Variants in PRKCE observed in about 807,000 individuals in gnomAD.
PRKCE encodes the protein protein kinase C epsilon type.
Under a neutral mutation model 85.4 loss-of-function variants are expected in PRKCE, and 16 were observed. The observed-to-expected ratio is 0.19, with a 90% CI of 0.13 to 0.28. The LOEUF (loss-of-function observed/expected upper bound fraction) is 0.28, where lower values mean the gene tolerates loss of function less well. PRKCE is among the 10% of genes least tolerant of loss of function. PRKCE has a pLI of 1.00. For synonymous variants in PRKCE, 388 were observed against 371.5 expected (o/e 1.04, Z -0.51); for missense variants, 573 against 975.2 (o/e 0.59, Z 5.49).
chr2:46,036,403 C>A (rs1433691996), intron 10 of PRKCE, among the ~76,000 whole-genome samples: 1 of 152,002 alleles, frequency 6.6e-6, no homozygotes, highest in Non-Finnish European at 1.5e-5. Flanking sequence ...ATAGTGAGAC[C>A]CCTATTTCCA....
At chr2:45,863,968 G>A (rs1693379914) in intron 2 of PRKCE, among the ~76,000 whole-genome samples, 1 of 152,202 alleles carries the variant, frequency 6.6e-6, no homozygotes, top group Admixed American at 6.5e-5. Context: ...CCTGCCATTG[G>A]TGTCCTAGAC....
chr2:45,733,352 G>A (rs1170185752), intron 1 of PRKCE, among the ~76,000 whole-genome samples: 7 of 152,202 alleles, frequency 4.6e-5, no homozygotes, highest in Non-Finnish European at 7.3e-5. Flanking sequence ...GGCATGATTC[G>A]AGGAGCTTGG....
At chr2:45,711,642 T>C (rs944221250) in intron 1 of PRKCE, among the ~76,000 whole-genome samples, 1 of 152,238 alleles carries the variant, frequency 6.6e-6, no homozygotes. Context: ...ATTTATGTAA[T>C]TTTTTGAGAC....
At position 46,187,804 on chromosome 2, in the gene PRKCE, G is replaced by GA. The variant is rs1680551178; in HGVS notation, c.*2924dup. ...AACTGTAAAATGTATTCAATTTTAG[G>GA]ATTTTTTTTTTTTGTATTGTGATGC... On this transcript the variant is annotated 3_prime_UTR_variant, in exon 15 of 15. Coordinates refer to ENST00000306156, the MANE Select transcript of PRKCE (RefSeq NM_005400.3). 8.9e-6 allele frequency: 1 copy of GA among 112,916 alleles called. No individual in the cohort carries two copies. Among genetic ancestry groups the GA allele is most frequent in the Admixed American group, 8.8e-5 (1 of 11,406 alleles). 7.0% of individuals were successfully genotyped at this position (112,916 alleles called of 1,614,324 possible).
At chr2:45,862,994 C>A (rs1291572364) in intron 2 of PRKCE, among the ~76,000 whole-genome samples, 1 of 152,210 alleles carries the variant, frequency 6.6e-6, no homozygotes, top group Non-Finnish European at 1.5e-5. Flanking sequence ...TCCACCCCCT[C>A]TACTTGCTGT....
At chr2:45,857,047 A>T (rs1211768762) in intron 2 of PRKCE, among the ~76,000 whole-genome samples, 1 of 152,094 alleles carries the variant, frequency 6.6e-6, no homozygotes, top group African/African-American at 2.4e-5. Flanking sequence ...ATTTGATTTC[A>T]TTTCTTTTGG....
intron 14 of PRKCE, among the ~76,000 whole-genome samples, chr2:46,164,589 G>GT (rs1678135396): frequency 6.6e-6 from 1 of 152,138 alleles, no homozygotes; most frequent in African/African-American, 2.4e-5. Flanking sequence ...GTGACCCGGG[G>GT]CGGGGGGTGC....
At chr2:45,744,556 TC>T (rs1682976751) in intron 1 of PRKCE, among the ~76,000 whole-genome samples, 1 of 104,282 alleles carries the variant, frequency 9.6e-6, no homozygotes, top group Non-Finnish European at 2.1e-5. Flanking sequence ...CTTTCTTCCT[TC>T]CTTCCTTCCT....
intron 10 of PRKCE, among the ~76,000 whole-genome samples, chr2:46,042,571 G>A (rs762410073): frequency 3.3e-5 from 5 of 152,226 alleles, no homozygotes; most frequent in Non-Finnish European, 7.3e-5. Context: ...AAGCATGGCC[G>A]AGACCTGCTT....
At chr2:46,034,439 G>T (rs1707728112) in intron 10 of PRKCE, among the ~76,000 whole-genome samples, 1 of 152,206 alleles carries the variant, frequency 6.6e-6, no homozygotes, top group African/African-American at 2.4e-5. Context: ...ATTTGGTATT[G>T]TATTCTTCCT....
intron 2 of PRKCE, among the ~76,000 whole-genome samples, chr2:45,851,089 G>C (rs1692216725): frequency 6.6e-6 from 1 of 152,194 alleles, no homozygotes; most frequent in Admixed American, 6.5e-5. Context: ...GCTGTGAGTA[G>C]GCAGTCAGTA....
At position 46,185,178 on chromosome 2, in the gene PRKCE, C is replaced by G; in HGVS notation, c.*297C>G. Reference sequence around the variant, plus strand: ...CAAGCCTGGTTCCACTCCTCAGGGGCTCCTGGCAGTGAAGCAACTTCAGTT... The same window carrying G: ...CAAGCCTGGTTCCACTCCTCAGGGGGTCCTGGCAGTGAAGCAACTTCAGTT... On this transcript the variant is annotated 3_prime_UTR_variant, in exon 15 of 15. Coordinates refer to ENST00000306156, the MANE Select transcript of PRKCE (RefSeq NM_005400.3). The surrounding 1 kb of genome is among the most constrained non-coding windows in gnomAD (Gnocchi z 4.7). 1 of 314,690 alleles carries G rather than the reference C, an allele frequency of 3.2e-6. No individual in the cohort carries two copies. The highest frequency in any genetic ancestry group is 5.8e-6 in the Non-Finnish European group (1 of 172,468). The allele number at this position is 314,690 out of a possible 1,614,324, so 19.5% of individuals were successfully genotyped here.
At chr2:45,734,236 G>A (rs957802071) in intron 1 of PRKCE, among the ~76,000 whole-genome samples, 5 of 152,068 alleles carry the variant, frequency 3.3e-5, no homozygotes, top group African/African-American at 1.2e-4. Flanking sequence ...GTTGTGGCGT[G>A]CACCCGTAGT....
intron 2 of PRKCE, among the ~76,000 whole-genome samples, chr2:45,877,538 C>T (rs1361838217): frequency 2.0e-5 from 3 of 152,118 alleles, no homozygotes; most frequent in Non-Finnish European, 4.4e-5. Flanking sequence ...TAAACTGTTA[C>T]ATCGAGTTTT....
intron 2 of PRKCE, among the ~76,000 whole-genome samples, chr2:45,847,618 C>A (rs1032994531): frequency 1.3e-5 from 2 of 152,050 alleles, no homozygotes; most frequent in Non-Finnish European, 2.9e-5. Context: ...GTGCTCCAGG[C>A]CAAAAGGTTG....
chr2:45,739,699 G>C (rs1682385542), intron 1 of PRKCE, among the ~76,000 whole-genome samples: 1 of 152,104 alleles, frequency 6.6e-6, no homozygotes, highest in African/African-American at 2.4e-5. Flanking sequence ...TGGGGTGGGG[G>C]TACAAGATTG....
At chr2:45,679,737 G>C (rs1047518117) in intron 1 of PRKCE, among the ~76,000 whole-genome samples, 1 of 152,136 alleles carries the variant, frequency 6.6e-6, no homozygotes, top group Non-Finnish European at 1.5e-5. Flanking sequence ...TAGTCTGCGG[G>C]TGTATGTGGG....
chr2:46,049,232 C>T (rs1708712223), intron 10 of PRKCE, among the ~76,000 whole-genome samples: 2 of 152,156 alleles, frequency 1.3e-5, no homozygotes, highest in African/African-American at 4.8e-5. Context: ...TTTCCAGGGA[C>T]CTCAGGGTTT....
chr2:45,816,391 C>T (rs945690881), intron 1 of PRKCE, among the ~76,000 whole-genome samples: 5 of 152,036 alleles, frequency 3.3e-5, no homozygotes, highest in Non-Finnish European at 7.4e-5. Flanking sequence ...GCTGGGAAAG[C>T]CATCAGTGAT....
Sources: allele counts gnomAD v4.1 joint callset (sites outside exome capture counted in the v4.1 genomes callset), GRCh38; gene constraint gnomAD v4.1.1; non-coding constraint Gnocchi (gnomAD v3.1); transcripts MANE v1.5; gene names NCBI Gene and HGNC (gene_info 2026-07-23, HGNC 2026-07-21).